HOMER2: variants seen among roughly 807,000 people sequenced by gnomAD.
The protein encoded by HOMER2 is homer scaffold protein 2.
Under a neutral mutation model 47.0 loss-of-function variants are expected in HOMER2, and 27 were observed. The observed-to-expected ratio is 0.57, with a 90% CI of 0.42 to 0.79. The LOEUF (loss-of-function observed/expected upper bound fraction) is 0.79, where lower values mean the gene tolerates loss of function less well. HOMER2 is among the 30% of genes least tolerant of loss of function. The pLI is 0.00. For missense variants in HOMER2, 443 were observed against 435.0 expected (o/e 1.02, Z -0.16); for synonymous variants, 161 against 163.8 (o/e 0.98, Z 0.13).
At chr15:82,894,149 G>A (rs529863064) in intron 1 of HOMER2, among the ~76,000 whole-genome samples, 8 of 152,014 alleles carry the variant, frequency 5.3e-5, no homozygotes, top group African/African-American at 1.2e-4. Flanking sequence ...CATTTTATGC[G>A]ATTCACCAAA....
chr15:82,929,731 TTTG>T (rs1215820758), intron 1 of HOMER2, among the ~76,000 whole-genome samples: 4 of 151,090 alleles, frequency 2.6e-5, no homozygotes, highest in African/African-American at 9.8e-5. Flanking sequence ...CTAACACAGT[TTTG>T]TTGTTTTTTT....
intron 1 of HOMER2, among the ~76,000 whole-genome samples, chr15:82,920,922 A>G (rs956404126): frequency 3.3e-5 from 5 of 151,542 alleles, no homozygotes; most frequent in Non-Finnish European, 7.4e-5. Context: ...GGCTCAAGCA[A>G]TCCTCTTACT....
intron 1 of HOMER2, among the ~76,000 whole-genome samples, chr15:82,978,278 C>T (rs913182030): frequency 2.0e-5 from 3 of 152,174 alleles, no homozygotes; most frequent in Non-Finnish European, 2.9e-5. Flanking sequence ...TGGCCTTACC[C>T]TCAAGGAGTT....
At chr15:82,942,164 G>A (rs1596374055) in intron 1 of HOMER2, among the ~76,000 whole-genome samples, 1 of 152,084 alleles carries the variant, frequency 6.6e-6, no homozygotes, top group South Asian at 2.1e-4. Context: ...ATCTATCTAC[G>A]TTCATATTTC....
At chr15:82,967,591 G>T (rs1193154720) in intron 1 of HOMER2, among the ~76,000 whole-genome samples, 1 of 152,134 alleles carries the variant, frequency 6.6e-6, no homozygotes, top group Non-Finnish European at 1.5e-5. Context: ...ACTCCACAAA[G>T]CAGGCCAGGC....
intron 1 of HOMER2, among the ~76,000 whole-genome samples, chr15:82,924,748 AC>A (rs1357336328): frequency 9.2e-5 from 14 of 152,306 alleles, no homozygotes; most frequent in Non-Finnish European, 5.9e-5. Flanking sequence ...GCACTGACAT[AC>A]ATCTCACCCA....
chr15:82,961,565 TA>T (rs1463784279), intron 1 of HOMER2, among the ~76,000 whole-genome samples: 1 of 152,242 alleles, frequency 6.6e-6, no homozygotes, highest in Non-Finnish European at 1.5e-5. Flanking sequence ...TATCACTTTG[TA>T]AAAATGTCTT....
At chr15:82,876,881 C>CTTAACTA (rs2052365820) in intron 2 of HOMER2, among the ~76,000 whole-genome samples, 1 of 152,204 alleles carries the variant, frequency 6.6e-6, no homozygotes, top group Non-Finnish European at 1.5e-5. Flanking sequence ...GGGATCTAGA[C>CTTAACTA]AGTAAGTGAC....
chr15:82,892,113 C>G (rs543809701), intron 2 of HOMER2, among the ~76,000 whole-genome samples: 1 of 152,032 alleles, frequency 6.6e-6, no homozygotes, highest in East Asian at 1.9e-4. Flanking sequence ...AAGAAATACT[C>G]CAAAACCACT....
exon 2 of HOMER2, chr15:82,839,246 G>A (rs2051153837): frequency 6.6e-6 from 1 of 152,176 alleles, no homozygotes; most frequent in South Asian, 2.1e-4. Flanking sequence ...CCTTTGTGTG[G>A]GCCCTACTGA....
At chr15:82,903,044 A>G (rs73446984) in intron 1 of HOMER2, among the ~76,000 whole-genome samples, 3,387 of 152,274 alleles carry the variant, frequency 0.022, 124 homozygotes, top group African/African-American at 0.073. Context: ...AGTAAAATAA[A>G]TTTAGAAAAT....
At chr15:82,934,536 A>G (rs1212121422) in intron 1 of HOMER2, among the ~76,000 whole-genome samples, 1 of 152,090 alleles carries the variant, frequency 6.6e-6, no homozygotes, top group African/African-American at 2.4e-5. Flanking sequence ...CATCTCGCAG[A>G]GACCTCCAGG....
At position 82,859,035 on chromosome 15, in the gene HOMER2, G is replaced by A. The variant is rs761349827; in HGVS notation, c.488C>T (p.Thr163Met). The part of the protein sequence containing the change: ...SENDKLKIAL[T>M]QSAANVKKWE... ...GACTTTAAAACAGCCTTACCTCTGC[G>A]TCAAGGCAATCTTCAGCTTGTCATT... The change falls in exon 5 of 9, where the codon ACG (threonine) becomes ATG (methionine). Residue 163 changes from threonine to methionine, a missense_variant. Physicochemically the swap from Thr to Met is moderately conservative, Grantham distance 81 (BLOSUM62 -1). Transcript: ENST00000450735. 2.0e-5 allele frequency: 32 copies of A among 1,613,790 alleles called. No individual in the cohort carries two copies. The highest frequency in any genetic ancestry group is 1.7e-4 in the Middle Eastern group (1 of 6,058).
chr15:82,850,316 C>A (rs978249010), intron 8 of HOMER2, among the ~76,000 whole-genome samples: 10 of 152,226 alleles, frequency 6.6e-5, no homozygotes, highest in African/African-American at 2.4e-4. Context: ...GGCTCGTTCC[C>A]CTGGTCCCAC....
chr15:82,978,608 C>T (rs2030286414), intron 1 of HOMER2, among the ~76,000 whole-genome samples: 2 of 152,220 alleles, frequency 1.3e-5, no homozygotes, highest in Admixed American at 6.5e-5. Context: ...CCACCCAAAT[C>T]TCATTTCGCA....
intron 1 of HOMER2, among the ~76,000 whole-genome samples, chr15:82,951,180 T>A (rs1216856609): frequency 6.6e-6 from 1 of 152,186 alleles, no homozygotes; most frequent in Non-Finnish European, 1.5e-5. Context: ...TCACCCACAG[T>A]TGCTGTTCAT....
At chr15:82,836,786 C>T (rs777127592), downstream of HOMER2, among the ~76,000 whole-genome samples, 3 of 152,186 alleles carry the variant, frequency 2.0e-5, no homozygotes, top group Admixed American at 2.0e-4. Flanking sequence ...TAACGGCAGC[C>T]AGAATGAGGA....
chr15:82,911,971 A>C (rs1461227203), intron 1 of HOMER2, among the ~76,000 whole-genome samples: 1 of 152,226 alleles, frequency 6.6e-6, no homozygotes, highest in African/African-American at 2.4e-5. Flanking sequence ...CGGAGGTTGC[A>C]GTGAGCCAAG....
intron 1 of HOMER2, among the ~76,000 whole-genome samples, chr15:82,977,698 G>C (rs2030252821): frequency 6.6e-6 from 1 of 152,134 alleles, no homozygotes; most frequent in Non-Finnish European, 1.5e-5. Flanking sequence ...CAGGAAAGAG[G>C]AACATCAAAA....
Sources: gnomAD v4.1 joint callset for allele counts (sites outside exome capture counted in the v4.1 genomes callset) on GRCh38, gnomAD v4.1.1 for gene constraint, MANE v1.5 for transcripts, NCBI Gene and HGNC (gene_info 2026-07-23, HGNC 2026-07-21) for gene names.